Variants in RAPGEF4 observed in about 807,000 individuals in gnomAD.
RAPGEF4 encodes RAP guanine-nucleotide-exchange factor (GEF) 4.
Under a neutral mutation model 147.9 loss-of-function variants are expected in RAPGEF4, and 66 were observed. The ratio of observed to expected loss-of-function variants is 0.45; its 90% confidence interval spans 0.37 to 0.55. RAPGEF4 has a LOEUF of 0.55. Ranked by LOEUF, RAPGEF4 falls within the 20% of genes least tolerant of loss-of-function variation. RAPGEF4 has a pLI of 0.00. For missense variants in RAPGEF4, 1,071 were observed against 1,257.3 expected, an observed-to-expected ratio of 0.85 and a Z score of 2.24; for synonymous variants, 419 against 442.7, an observed-to-expected ratio of 0.95 and a Z score of 0.67.
chr2:172,835,967 T>C (rs1004754365), intron 4 of RAPGEF4, among the ~76,000 whole-genome samples: 1 of 152,152 alleles, frequency 6.6e-6, no homozygotes, highest in African/African-American at 2.4e-5. Flanking sequence ...ATTCTTCCAA[T>C]CTCTTTCTGG....
chr2:172,924,449 C>T (rs1032161415), intron 6 of RAPGEF4, among the ~76,000 whole-genome samples: 13 of 152,174 alleles, frequency 8.5e-5, no homozygotes, highest in Non-Finnish European at 1.5e-4. Context: ...AGGCCATCTC[C>T]CTAATACTAG....
intron 6 of RAPGEF4, among the ~76,000 whole-genome samples, chr2:172,938,214 TACACACACACAC>T (rs57780996): frequency 2.7e-5 from 4 of 148,158 alleles, no homozygotes; most frequent in African/African-American, 5.0e-5. Flanking sequence ...TATCTGTAAG[TACACACACACAC>T]ACACACACAC....
intron 10 of RAPGEF4, among the ~76,000 whole-genome samples, chr2:172,980,968 G>T (rs1424474357): frequency 6.6e-6 from 1 of 152,066 alleles, no homozygotes; most frequent in Non-Finnish European, 1.5e-5. Context: ...TTTTAAAAAA[G>T]AAATCCATAA....
chr2:172,895,486 G>C (rs557691989), intron 4 of RAPGEF4, among the ~76,000 whole-genome samples: 8 of 152,160 alleles, frequency 5.3e-5, no homozygotes, highest in African/African-American at 1.9e-4. Flanking sequence ...TGCATTTGTT[G>C]ATTTGTCATT....
At chr2:172,786,277 A>G (rs1457111432) in intron 1 of RAPGEF4, among the ~76,000 whole-genome samples, 1 of 152,182 alleles carries the variant, frequency 6.6e-6, no homozygotes, top group Non-Finnish European at 1.5e-5. Flanking sequence ...AACAAGGTCC[A>G]GCCCTGAACC....
intron 6 of RAPGEF4, among the ~76,000 whole-genome samples, chr2:172,948,623 A>G (rs182902122): frequency 2.8e-4 from 43 of 152,348 alleles, no homozygotes; most frequent in Middle Eastern, 3.4e-3. Flanking sequence ...CTATGCAGCC[A>G]TAAAAAAGAA....
chr2:172,801,071 C>A (rs1443484571), intron 3 of RAPGEF4, among the ~76,000 whole-genome samples: 1 of 152,128 alleles, frequency 6.6e-6, no homozygotes, highest in Non-Finnish European at 1.5e-5. Context: ...CTGAATTAAT[C>A]TTTAGGCATT....
At chr2:172,871,555 T>TGGAAATAA (rs1017078500) in intron 4 of RAPGEF4, among the ~76,000 whole-genome samples, 4 of 151,594 alleles carry the variant, frequency 2.6e-5, no homozygotes, top group African/African-American at 9.7e-5. Flanking sequence ...AGTTGTAAAA[T>TGGAAATAA]GGAAATAAGG....
At chr2:172,991,040 C>T (rs1692781854) in intron 15 of RAPGEF4, 115 bp downstream of exon 15, 1 of 741,494 alleles carries the variant, frequency 1.3e-6, no homozygotes, top group Admixed American at 2.4e-5. Context: ...GTGTATGTGA[C>T]TTTTTTCCTC....
chr2:172,918,016 A>G (rs760972667), intron 5 of RAPGEF4, 142 bp downstream of exon 5: 1 of 785,780 alleles, frequency 1.3e-6, no homozygotes, highest in Admixed American at 1.7e-5. Flanking sequence ...GCCAGCTCAC[A>G]CTGGAGATAT....
intron 4 of RAPGEF4, among the ~76,000 whole-genome samples, chr2:172,882,112 T>C (rs1190587948): frequency 6.6e-6 from 1 of 152,252 alleles, no homozygotes; most frequent in Non-Finnish European, 1.5e-5. Context: ...TCTAAACTTA[T>C]ATTAACTTTT....
rs766195562 is a variant in RAPGEF4, at chr2:173,051,628, C to T, written c.2909-12C>T. On this transcript the variant is annotated splice_polypyrimidine_tract_variant and intron_variant, in intron 30 of 30. Coordinates refer to ENST00000397081, the MANE Select transcript of RAPGEF4 (RefSeq NM_007023.4). The stretch of plus-strand genomic sequence containing the variant: ...TACACAATGCCAATTCTGCCCTTTC[C>T]TCTTTCAACAGATCCTGATGCAGCT... 10 of 1,612,006 alleles carry T rather than the reference C, an allele frequency of 6.2e-6. No individual in the cohort carries two copies. In the Admixed American group the frequency reaches 1.7e-4, roughly 27 times the overall value.
Position 172,967,458 on chromosome 2 carries a change from C to A in RAPGEF4, c.1004+14C>A, listed in dbSNP as rs372986756. 5 of 1,605,300 alleles carry A rather than the reference C, an allele frequency of 3.1e-6. No homozygotes were observed. In the South Asian group the frequency reaches 5.6e-5, roughly 18 times the overall value. ...CCTTCGCAAACCGTGAGTGAGAGCT[C>A]GTGGCTCACCCCTCCAGGTCCCAAG... is the stretch of plus-strand genomic sequence containing the variant. On this transcript the variant is annotated intron_variant, in intron 10 of 30. Transcript: ENST00000397081.
At chr2:172,839,404 G>T (rs1234318477) in intron 4 of RAPGEF4, among the ~76,000 whole-genome samples, 1 of 152,056 alleles carries the variant, frequency 6.6e-6, no homozygotes, top group African/African-American at 2.4e-5. Context: ...CTAAAGAAGG[G>T]GTGGATTATT....
intron 29 of RAPGEF4, among the ~76,000 whole-genome samples, chr2:173,041,092 G>A (rs1232098823): frequency 6.6e-6 from 1 of 152,100 alleles, no homozygotes; most frequent in Non-Finnish European, 1.5e-5. Flanking sequence ...TTATACTTCT[G>A]TAAACATTAC....
intron 3 of RAPGEF4, among the ~76,000 whole-genome samples, chr2:172,812,505 G>T (rs1863168): frequency 6.6e-6 from 1 of 152,120 alleles, no homozygotes; most frequent in African/African-American, 2.4e-5. Flanking sequence ...ACAGGCTCAC[G>T]TGTGTCTCCC....
intron 1 of RAPGEF4, among the ~76,000 whole-genome samples, 192 bp from the exon 2 acceptor site, chr2:172,794,833 A>G (rs1479078045): frequency 6.6e-6 from 1 of 152,230 alleles, no homozygotes; most frequent in Non-Finnish European, 1.5e-5. Context: ...TTTAAGGCGA[A>G]TAGTTGGTAA....
In RAPGEF4 at chr2:173,017,522, A is replaced by T; in HGVS notation, c.2008+18A>T. ...TGATGAAGGTGAGAACCCTCTTCCA[A>T]CTAACTCGTAGTTGTATAGATTATT... On this transcript the variant is annotated intron_variant, in intron 21 of 30. Transcript: ENST00000397081. The T allele has an allele frequency of 1.3e-6, 2 of 1,597,054 alleles. No homozygotes were observed. Among genetic ancestry groups the T allele is most frequent in the Non-Finnish European group, 1.7e-6 (2 of 1,164,700 alleles).
chr2:173,048,803 A>G, intron 30 of RAPGEF4, 149 bp downstream of exon 30: 3 of 1,436,860 alleles, frequency 2.1e-6, no homozygotes, highest in Non-Finnish European at 2.7e-6. Flanking sequence ...AGGGGCCTTG[A>G]GTTTAAAGAT....
Sources: allele counts gnomAD v4.1 joint callset (sites outside exome capture counted in the v4.1 genomes callset), GRCh38; gene constraint gnomAD v4.1.1; transcripts MANE v1.5; gene names NCBI Gene and HGNC (gene_info 2026-07-23, HGNC 2026-07-21).